ERLEC1: variants seen among roughly 807,000 people sequenced by gnomAD.
The protein encoded by ERLEC1 is ER lectin.
Under a neutral mutation model 68.0 loss-of-function variants are expected in ERLEC1, and 47 were observed. The observed-to-expected ratio is 0.69, with a 90% CI of 0.55 to 0.88. The LOEUF (loss-of-function observed/expected upper bound fraction) is 0.88, where lower values mean the gene tolerates loss of function less well. ERLEC1 is among the 40% of genes least tolerant of loss of function. ERLEC1 has a pLI of 0.00. For synonymous variants in ERLEC1, 225 were observed against 203.2 expected, an observed-to-expected ratio of 1.11 and a Z score of -0.91; for missense variants, 567 against 583.8, an observed-to-expected ratio of 0.97 and a Z score of 0.30.
intron 10 of ERLEC1, among the ~76,000 whole-genome samples, chr2:53,809,854 G>T (rs959958651): frequency 6.6e-6 from 1 of 151,818 alleles, no homozygotes; most frequent in Non-Finnish European, 1.5e-5. Flanking sequence ...TCAGGAGTTC[G>T]AGACCAGCCT....
chr2:53,808,498 A>T (rs1676419577), intron 9 of ERLEC1, 38 bp downstream of exon 9: 1 of 1,601,156 alleles, frequency 6.2e-7, no homozygotes, highest in Non-Finnish European at 8.5e-7. Flanking sequence ...TTTATTTTAC[A>T]ACTTTACCTG....
rs544807558 is a variant in ERLEC1, at chr2:53,794,307, A to T, written c.163-38A>T. ...AAGTTATTCAGTGTGATACAATTTC[A>T]CGGAGAACATAATGTATGTTTTTTC... On this transcript the variant is annotated intron_variant, in intron 1 of 13. Transcript: ENST00000185150. 11 of 900,978 alleles carry T rather than the reference A, an allele frequency of 1.2e-5. No homozygotes were observed. The African/African-American group carries it at 1.5e-4, about 13-fold the overall frequency. 55.8% of individuals were successfully genotyped at this position (900,978 alleles called of 1,614,324 possible). A position where few individuals can be genotyped will look rare whatever the true frequency, so the allele number is the denominator to read the frequency against.
chr2:53,795,259 G>A (rs1430016302), intron 2 of ERLEC1, among the ~76,000 whole-genome samples: 1 of 152,180 alleles, frequency 6.6e-6, no homozygotes, highest in African/African-American at 2.4e-5. Flanking sequence ...CCAGGAGGCT[G>A]AGGTATAGGC....
At position 53,801,474 on chromosome 2, in the gene ERLEC1, G is replaced by T; in HGVS notation, c.603G>T (p.Leu201Phe). The T allele has an allele frequency of 1.9e-6, 3 of 1,613,970 alleles. No individual in the cohort carries two copies. Among genetic ancestry groups the T allele is most frequent in the Non-Finnish European group, 2.5e-6 (3 of 1,179,960 alleles). ...TGGGAAATGGTACACCTTGTAGTTT[G>T]AAACAGAACCGGCCCAGATCAAGTA... ...VGMGNGTPCS[L>F]KQNRPRSSTV... The change falls in exon 7 of 14, where the codon TTG (leucine) becomes TTT (phenylalanine). Residue 201 changes from leucine to phenylalanine, a missense_variant. Coordinates refer to ENST00000185150, the MANE Select transcript of ERLEC1 (RefSeq NM_015701.5).
chr2:53,795,110 C>T lies in ERLEC1; in HGVS notation c.267+661C>T, dbSNP rs183162273. 2.5e-3 allele frequency among the ~76,000 whole-genome samples: 380 copies of T among 152,270 alleles called. 1 individual carries two copies. Among genetic ancestry groups the T allele is most frequent in the African/African-American group, 8.1e-3 (335 of 41,554 alleles). On this transcript the variant is annotated intron_variant, in intron 2 of 13. Coordinates refer to ENST00000185150, the MANE Select transcript of ERLEC1 (RefSeq NM_015701.5). ...TAAGTCTGTAGGTACCCCATGCTTT[C>T]TCATTATCTTAGCCCATGCCCTTTT... is the stretch of plus-strand genomic sequence containing the variant.
At chr2:53,796,246 G>GTTT (rs200295316) in intron 3 of ERLEC1, among the ~76,000 whole-genome samples, 2 of 126,466 alleles carry the variant, frequency 1.6e-5, no homozygotes, top group Non-Finnish European at 3.3e-5. Flanking sequence ...TGATGGGTTG[G>GTTT]TTTTTTTTTT....
Position 53,787,048 on chromosome 2 carries a change from G to A in ERLEC1, c.-163G>A. The A allele has an allele frequency of 2.1e-6, 2 of 947,898 alleles. No individual in the cohort carries two copies. Among genetic ancestry groups the A allele is most frequent in the Non-Finnish European group, 3.0e-6 (2 of 669,706 alleles). 58.7% of individuals were successfully genotyped at this position (947,898 alleles called of 1,614,324 possible). ...TGACAGGAGGCTCAAGGGGGCGGAG[G>A]CGGCGTTGCCGGGCTCTCCGGAAGG... is the stretch of plus-strand genomic sequence containing the variant. On this transcript the variant is annotated 5_prime_UTR_variant, in exon 1 of 14. Transcript: ENST00000185150.
chr2:53,812,084 A>G (rs1676620644), intron 10 of ERLEC1, among the ~76,000 whole-genome samples: 1 of 152,038 alleles, frequency 6.6e-6, no homozygotes, highest in Non-Finnish European at 1.5e-5. Flanking sequence ...CGCCCGGCTA[A>G]TTTTGTATTT....
intron 5 of ERLEC1, among the ~76,000 whole-genome samples, chr2:53,798,321 G>A (rs1675827718): frequency 6.6e-6 from 1 of 151,524 alleles, no homozygotes; most frequent in South Asian, 2.1e-4. Flanking sequence ...GAGTGCGGTG[G>A]CACAACCACA....
In ERLEC1 at chr2:53,787,393, C is replaced by A. The variant is rs765286243; in HGVS notation, c.162+21C>A. ...CTCTGGTCAGTGCCCTCACTAACCCCGCAGCCACCCCTCCTCCTGACACTA... is the reference window on the plus strand; with the variant it reads ...CTCTGGTCAGTGCCCTCACTAACCCAGCAGCCACCCCTCCTCCTGACACTA... On this transcript the variant is annotated intron_variant, in intron 1 of 13. Transcript: ENST00000185150. 5 of 1,594,400 alleles carry A rather than the reference C, an allele frequency of 3.1e-6. No individual in the cohort carries two copies. The African/African-American group carries it at 5.4e-5, about 17-fold the overall frequency.
intron 10 of ERLEC1, among the ~76,000 whole-genome samples, chr2:53,809,513 GAAT>G (rs961119084): frequency 3.3e-5 from 5 of 152,178 alleles, no homozygotes; most frequent in African/African-American, 1.2e-4. Flanking sequence ...GAGCCTAGTA[GAAT>G]AATGAGCTGT....
At position 53,796,732 on chromosome 2, in the gene ERLEC1, G is replaced by C. The variant is rs1675726187; in HGVS notation, c.348+719G>C. On this transcript the variant is annotated intron_variant, in intron 3 of 13. Coordinates refer to ENST00000185150, the MANE Select transcript of ERLEC1 (RefSeq NM_015701.5). Reference sequence around the variant, plus strand: ...TTTAAAGTGCTAGAATTACAGGCGTGAGCGACTGTGCCCAGCTAGTTATTT... The same window carrying C: ...TTTAAAGTGCTAGAATTACAGGCGTCAGCGACTGTGCCCAGCTAGTTATTT... Among the ~76,000 whole-genome samples the C allele has an allele frequency of 3.3e-5, 5 of 152,038 alleles. No homozygotes were observed. In the South Asian group the frequency reaches 1.0e-3, roughly 32 times the overall value.
At chr2:53,789,875 C>T (rs1476971268) in intron 1 of ERLEC1, among the ~76,000 whole-genome samples, 2 of 151,404 alleles carry the variant, frequency 1.3e-5, no homozygotes, top group East Asian at 2.0e-4. Flanking sequence ...AAAAATTAGC[C>T]GGGCATGGTG....
intron 10 of ERLEC1, 55 bp downstream of exon 10, chr2:53,809,328 A>G: frequency 1.6e-6 from 2 of 1,230,818 alleles, no homozygotes; most frequent in Non-Finnish European, 2.2e-6. Context: ...AAGTTTAAGA[A>G]TCTGTTGTAG....
chr2:53,814,217 G>C (rs895029743), intron 11 of ERLEC1, among the ~76,000 whole-genome samples: 19 of 152,120 alleles, frequency 1.2e-4, no homozygotes, highest in Admixed American at 3.9e-4. Flanking sequence ...AAACAATATA[G>C]TGGGCTAGGG....
chr2:53,793,008 A>G (rs1039825676), intron 1 of ERLEC1, among the ~76,000 whole-genome samples: 1 of 151,376 alleles, frequency 6.6e-6, no homozygotes, highest in African/African-American at 2.4e-5. Context: ...CCTGTCTCAA[A>G]AAAAAAAAAA....
At chr2:53,817,579 A>T (rs1185332199) in intron 13 of ERLEC1, among the ~76,000 whole-genome samples, 1 of 152,102 alleles carries the variant, frequency 6.6e-6, no homozygotes, top group Non-Finnish European at 1.5e-5. Context: ...CTTTCATTTT[A>T]AATACACTTA....
chr2:53,814,668 C>A lies in ERLEC1; in HGVS notation c.1304+48C>A, dbSNP rs752227898. 13 of 1,382,136 alleles carry A rather than the reference C, an allele frequency of 9.4e-6. No individual in the cohort carries two copies. In the East Asian group the frequency reaches 2.1e-4, roughly 22 times the overall value. The allele number at this position is 1,382,136 out of a possible 1,614,324, so 85.6% of individuals were successfully genotyped here. Reference sequence around the variant, plus strand: ...GCTGTATGCCTTTGTCTTTTAACTGCTTCCTATGGACAAAAGTTTTATGTA... The same window carrying A: ...GCTGTATGCCTTTGTCTTTTAACTGATTCCTATGGACAAAAGTTTTATGTA... On this transcript the variant is annotated intron_variant, in intron 12 of 13. Transcript: ENST00000185150.
At chr2:53,795,901 A>G (rs1371549235) in intron 2 of ERLEC1, 32 bp from the exon 3 acceptor site, 3 of 1,422,260 alleles carry the variant, frequency 2.1e-6, no homozygotes, top group South Asian at 1.2e-5. Flanking sequence ...TTCTAGAAAA[A>G]CTGTAAGTAT....
Sources: allele counts gnomAD v4.1 joint callset (sites outside exome capture counted in the v4.1 genomes callset), GRCh38; gene constraint gnomAD v4.1.1; transcripts MANE v1.5; gene names NCBI Gene and HGNC (gene_info 2026-07-23, HGNC 2026-07-21).